SUMF1: variants seen among roughly 807,000 people sequenced by gnomAD.
The protein encoded by SUMF1 is sulfatase modifying factor 1.
Under a neutral mutation model 47.6 loss-of-function variants are expected in SUMF1, and 48 were observed. That is an observed-to-expected ratio of 1.01 (90% CI 0.80 to 1.28). The LOEUF is 1.28. SUMF1 is among the 50% of genes most tolerant of loss of function. The pLI is 0.00. For missense variants in SUMF1, 571 were observed against 485.4 expected (o/e 1.18, Z -1.66); for synonymous variants, 230 against 192.1 (o/e 1.20, Z -1.63).
intron 8 of SUMF1, among the ~76,000 whole-genome samples, chr3:4,215,204 AAG>A (rs1159285318): frequency 1.3e-5 from 2 of 152,216 alleles, no homozygotes; most frequent in Non-Finnish European, 2.9e-5. Context: ...CACCACGATC[AAG>A]TCGGCTTCAT....
intron 8 of SUMF1, among the ~76,000 whole-genome samples, chr3:4,336,066 A>T (rs1699147499): frequency 1.3e-5 from 2 of 151,798 alleles, no homozygotes; most frequent in African/African-American, 2.4e-5. Context: ...ATCCCTCTGT[A>T]GCTACCAAAA....
At chr3:4,338,454 C>A (rs555230438) in intron 8 of SUMF1, among the ~76,000 whole-genome samples, 11 of 152,266 alleles carry the variant, frequency 7.2e-5, no homozygotes, top group African/African-American at 2.6e-4. Flanking sequence ...GGAAGTAGTT[C>A]TGGTTGAACC....
At chr3:4,067,868 G>A (rs1158187688) in intron 9 of SUMF1, among the ~76,000 whole-genome samples, 2 of 152,134 alleles carry the variant, frequency 1.3e-5, no homozygotes, top group Non-Finnish European at 2.9e-5. Flanking sequence ...CACAGAACAA[G>A]GTAGAGAGGA....
At chr3:4,180,774 G>A (rs1338449449) in intron 8 of SUMF1, among the ~76,000 whole-genome samples, 2 of 150,650 alleles carry the variant, frequency 1.3e-5, no homozygotes, top group African/African-American at 4.9e-5. Flanking sequence ...GATCACCTTA[G>A]CCTGGGAGGT....
chr3:4,278,291 C>T (rs1346202522), intron 8 of SUMF1, among the ~76,000 whole-genome samples: 1 of 151,790 alleles, frequency 6.6e-6, no homozygotes, highest in Non-Finnish European at 1.5e-5. Context: ...GTACCAACTA[C>T]CTTATTAATT....
chr3:4,271,248 G>A, intron 8 of SUMF1, among the ~76,000 whole-genome samples: 1 of 152,034 alleles, frequency 6.6e-6, no homozygotes, highest in Non-Finnish European at 1.5e-5. Context: ...ACAAGAAAAG[G>A]AGCAAGGTAT....
At chr3:4,256,335 T>A (rs569730565) in intron 8 of SUMF1, among the ~76,000 whole-genome samples, 27 of 104,942 alleles carry the variant, frequency 2.6e-4, no homozygotes, top group Non-Finnish European at 4.5e-4. Flanking sequence ...GAGCTGGTTT[T>A]TTGAAAGGAT....
intron 8 of SUMF1, among the ~76,000 whole-genome samples, chr3:4,169,401 G>C (rs1226808181): frequency 6.6e-6 from 1 of 152,098 alleles, no homozygotes; most frequent in Non-Finnish European, 1.5e-5. Flanking sequence ...TGGACACAAA[G>C]AGAAAAGACA....
chr3:4,257,489 C>G (rs1031456037), intron 8 of SUMF1, among the ~76,000 whole-genome samples: 99 of 150,218 alleles, frequency 6.6e-4, no homozygotes, highest in African/African-American at 2.4e-3. Context: ...AGAACCAAAT[C>G]ATGAGTGAAC....
intron 8 of SUMF1, among the ~76,000 whole-genome samples, chr3:4,307,163 G>A (rs1254234330): frequency 2.6e-5 from 4 of 152,196 alleles, no homozygotes; most frequent in Non-Finnish European, 5.9e-5. Context: ...TTATAATTCA[G>A]AGGCCCAGGT....
At chr3:4,306,873 A>G (rs1698210769) in intron 8 of SUMF1, among the ~76,000 whole-genome samples, 1 of 152,268 alleles carries the variant, frequency 6.6e-6, no homozygotes, top group African/African-American at 2.4e-5. Flanking sequence ...GGAAACAAGC[A>G]TATCATAATG....
intron 7 of SUMF1, among the ~76,000 whole-genome samples, chr3:4,406,315 G>A (rs2124993746): frequency 6.6e-6 from 1 of 152,224 alleles, no homozygotes. Context: ...AATATTAAGT[G>A]GCAGAGCTGT....
At chr3:4,347,526 C>T (rs940239574) in intron 8 of SUMF1, among the ~76,000 whole-genome samples, 2 of 152,156 alleles carry the variant, frequency 1.3e-5, no homozygotes, top group Non-Finnish European at 2.9e-5. Flanking sequence ...ATTGATGGAA[C>T]ATATTTCAAA....
At chr3:4,392,671 CGA>C (rs1325147667) in intron 7 of SUMF1, among the ~76,000 whole-genome samples, 1 of 141,260 alleles carries the variant, frequency 7.1e-6, no homozygotes, top group Non-Finnish European at 1.5e-5. Flanking sequence ...AGAAAGAGAG[CGA>C]GAGAGAGAGC....
At chr3:4,142,806 C>A (rs889494639) in intron 8 of SUMF1, among the ~76,000 whole-genome samples, 3 of 151,916 alleles carry the variant, frequency 2.0e-5, no homozygotes, top group African/African-American at 7.3e-5. Context: ...AGGGGATTTG[C>A]AAATTGAGCC....
intron 7 of SUMF1, among the ~76,000 whole-genome samples, chr3:4,392,058 G>C (rs1283144611): frequency 6.6e-6 from 1 of 151,550 alleles, no homozygotes; most frequent in South Asian, 2.1e-4. Flanking sequence ...AAACTCCCAG[G>C]CTCAAGCGAT....
At chr3:4,323,556 TAAGAAAAAG>T in intron 8 of SUMF1, among the ~76,000 whole-genome samples, 1 of 152,108 alleles carries the variant, frequency 6.6e-6, no homozygotes, top group East Asian at 1.9e-4. Flanking sequence ...AAAGATATTA[TAAGAAAAAG>T]AAGAAAAGGA....
intron 8 of SUMF1, among the ~76,000 whole-genome samples, chr3:4,095,523 T>C (rs565571176): frequency 7.2e-5 from 11 of 152,244 alleles, no homozygotes; most frequent in Admixed American, 4.6e-4. Context: ...TGTTCAGCAT[T>C]GTTCAAGGAG....
chr3:4,326,147 CTCAA>C (rs1369099815), intron 8 of SUMF1, among the ~76,000 whole-genome samples: 2 of 152,162 alleles, frequency 1.3e-5, no homozygotes, highest in Non-Finnish European at 2.9e-5. Flanking sequence ...ACTTTTTTCT[CTCAA>C]TCCTTTATTT....
Sources: allele counts gnomAD v4.1 joint callset (sites outside exome capture counted in the v4.1 genomes callset), GRCh38; gene constraint gnomAD v4.1.1; transcripts MANE v1.5; gene names NCBI Gene and HGNC (gene_info 2026-07-23, HGNC 2026-07-21).